The following URGCP variants were observed in gnomAD, a reference collection of about 807,000 sequenced individuals.
The protein encoded by URGCP is up-regulator of cell proliferation.
Under a neutral mutation model 24.6 loss-of-function variants are expected in URGCP, and 13 were observed. The ratio of observed to expected loss-of-function variants is 0.53; its 90% confidence interval spans 0.34 to 0.84. The LOEUF (loss-of-function observed/expected upper bound fraction) is 0.84. URGCP is among the 40% of genes least tolerant of loss of function. The pLI is 0.01. For missense variants in URGCP, 899 were observed against 1,194.3 expected, an observed-to-expected ratio of 0.75 and a Z score of 3.64; for synonymous variants, 444 against 487.2, an observed-to-expected ratio of 0.91 and a Z score of 1.17.
chr7:43,879,530 C>T (rs2095850811), intron 5 of URGCP: 1 of 390,500 alleles, frequency 2.6e-6, no homozygotes, highest in Non-Finnish European at 4.6e-6. Flanking sequence ...AAATAAGCTA[C>T]ATTTAACAAC....
Position 43,876,824 on chromosome 7 carries a change from C to T in URGCP, c.2639G>A (p.Gly880Asp). 2.5e-6 allele frequency: 4 copies of T among 1,614,196 alleles called. No individual in the cohort carries two copies. The highest frequency in any genetic ancestry group is 3.4e-6 in the Non-Finnish European group (4 of 1,180,036). Residue 880 changes from glycine (G) to aspartate (D), a missense_variant, in exon 6 of 6, where the codon GGC becomes GAC. Gly to Asp is a moderately conservative substitution (Grantham distance 94). Coordinates refer to ENST00000453200, the MANE Select transcript of URGCP (RefSeq NM_001077663.3). ...PEKQHIWHIP[G>D]LWHGAPPMAA... Reference sequence around the variant, plus strand: ...CATGGGAGGTGCTCCGTGCCACAGGCCTGGGATGTGCCAGATGTGCTGCTT... The same window carrying T: ...CATGGGAGGTGCTCCGTGCCACAGGTCTGGGATGTGCCAGATGTGCTGCTT...
In URGCP at chr7:43,879,088, G is replaced by A. The variant is rs1489320101; in HGVS notation, c.375C>T (p.Leu125=). The change falls in exon 6 of 6, where the codon CTC becomes CTT. Residue 125 remains leucine (L), a synonymous_variant. Transcript: ENST00000453200. The part of the protein sequence containing the change: ...PWNFLRKLQA[L]NADARNTTMV... ...TAGTGGTATTCCTGGCATCAGCATTGAGGGCCTGCAACTTCCTGAGGAAAT... is the reference window on the plus strand; with the variant it reads ...TAGTGGTATTCCTGGCATCAGCATTAAGGGCCTGCAACTTCCTGAGGAAAT... 1 of 1,614,218 alleles carries A rather than the reference G, an allele frequency of 6.2e-7. No homozygotes were observed. Among genetic ancestry groups the A allele is most frequent in the South Asian group, 1.1e-5 (1 of 91,090 alleles).
intron 1 of URGCP, among the ~76,000 whole-genome samples, chr7:43,892,129 G>A (rs1448321017): frequency 1.3e-5 from 2 of 151,918 alleles, no homozygotes; most frequent in African/African-American, 4.8e-5. Context: ...TGTAGCCCAG[G>A]CTGGTCTCAA....
intron 1 of URGCP, among the ~76,000 whole-genome samples, chr7:43,892,186 G>A (rs1459199202): frequency 6.6e-6 from 1 of 151,974 alleles, no homozygotes; most frequent in African/African-American, 2.4e-5. Flanking sequence ...CCAAAGTGTG[G>A]GGAATACAGG....
At chr7:43,887,301 A>C in intron 3 of URGCP, 114 bp downstream of exon 3, 2 of 1,252,412 alleles carry the variant, frequency 1.6e-6, no homozygotes, top group Non-Finnish European at 2.2e-6. Flanking sequence ...AAACTTATTT[A>C]TTTTTGAGAT....
At chr7:43,922,688 C>T (rs375650987) in intron 1 of URGCP, among the ~76,000 whole-genome samples, 14 of 152,082 alleles carry the variant, frequency 9.2e-5, no homozygotes, top group African/African-American at 2.9e-4. Flanking sequence ...TACAGGCATG[C>T]GCCACCATGC....
At chr7:43,919,383 A>G (rs2095919379) in intron 1 of URGCP, 1 of 860,708 alleles carries the variant, frequency 1.2e-6, no homozygotes. Context: ...CTCTCAGACC[A>G]ACCAGCTGGT....
intron 1 of URGCP, among the ~76,000 whole-genome samples, chr7:43,896,136 G>C (rs1490114213): frequency 1.3e-5 from 2 of 152,158 alleles, no homozygotes; most frequent in East Asian, 3.8e-4. Context: ...GTGAATGGAA[G>C]TATAGAGTAG....
intron 1 of URGCP, among the ~76,000 whole-genome samples, chr7:43,897,840 C>G (rs1305434659): frequency 6.6e-6 from 1 of 152,188 alleles, no homozygotes; most frequent in African/African-American, 2.4e-5. Flanking sequence ...TCAAAAGCAT[C>G]TGTGAAGGAC....
chr7:43,883,321 AATATATATATATATACATAT>A (rs1206507780), intron 3 of URGCP, among the ~76,000 whole-genome samples: 17 of 134,534 alleles, frequency 1.3e-4, no homozygotes, highest in African/African-American at 4.0e-4. Flanking sequence ...TATATATATA[AATATATATATATATACATAT>A]ATATATATAT....
At position 43,884,561 on chromosome 7, in the gene URGCP, G is replaced by T. The variant is rs145773695; in HGVS notation, c.113-2604C>A. Among the ~76,000 whole-genome samples the T allele has an allele frequency of 6.7e-4, 102 of 152,304 alleles. 2 individuals carry two copies. The highest frequency in any genetic ancestry group is 2.4e-3 in the African/African-American group (99 of 41,550). Reference sequence around the variant, plus strand: ...AACCATTTTCAAGCCAGGTGGGGTGGTTCATATCTGTAACCACAGCAATTT... The same window carrying T: ...AACCATTTTCAAGCCAGGTGGGGTGTTTCATATCTGTAACCACAGCAATTT... On this transcript the variant is annotated intron_variant, in intron 3 of 5. Transcript: ENST00000453200.
At chr7:43,899,656 G>T (rs2132699187) in intron 1 of URGCP, among the ~76,000 whole-genome samples, 1 of 152,224 alleles carries the variant, frequency 6.6e-6, no homozygotes, top group East Asian at 1.9e-4. Flanking sequence ...CCAGAAATAG[G>T]TCCAAATGCA....
In URGCP at chr7:43,886,495, G is replaced by A. The variant is rs570879451; in HGVS notation, c.112+920C>T. Among the ~76,000 whole-genome samples the A allele has an allele frequency of 5.3e-5, 8 of 151,334 alleles. No individual in the cohort carries two copies. In the South Asian group the frequency reaches 1.1e-3, roughly 21 times the overall value. The stretch of plus-strand genomic sequence containing the variant: ...TGGCTGGGCACGGTGGCTCACGCCT[G>A]TAATCCCAACACTTTGGGAGGCTGA... On this transcript the variant is annotated intron_variant, in intron 3 of 5. Coordinates refer to ENST00000453200, the MANE Select transcript of URGCP (RefSeq NM_001077663.3).
intron 3 of URGCP, among the ~76,000 whole-genome samples, chr7:43,885,543 T>C (rs768620572): frequency 3.3e-5 from 5 of 152,212 alleles, no homozygotes; most frequent in Non-Finnish European, 7.3e-5. Flanking sequence ...TGGAGGTTTA[T>C]TCAGTAGAGA....
intron 1 of URGCP, among the ~76,000 whole-genome samples, chr7:43,915,525 G>C (rs1035010789): frequency 6.6e-6 from 1 of 152,144 alleles, no homozygotes; most frequent in Non-Finnish European, 1.5e-5. Flanking sequence ...CACCTCAATG[G>C]CTGCAGATGC....
intron 1 of URGCP, among the ~76,000 whole-genome samples, chr7:43,902,580 C>T (rs926819315): frequency 4.6e-5 from 7 of 152,164 alleles, no homozygotes; most frequent in East Asian, 1.9e-4. Flanking sequence ...AAGAAAAAAG[C>T]GGAATCTTTC....
intron 3 of URGCP, among the ~76,000 whole-genome samples, chr7:43,883,362 A>ATATTTT (rs1554289259): frequency 1.2e-3 from 110 of 88,278 alleles, no homozygotes; most frequent in Non-Finnish European, 1.6e-3. Context: ...ATATATATAT[A>ATATTTT]TTTTTTTTTT....
intron 3 of URGCP, among the ~76,000 whole-genome samples, chr7:43,884,658 T>G (rs763009707): frequency 6.6e-6 from 1 of 152,106 alleles, no homozygotes; most frequent in African/African-American, 2.4e-5. Flanking sequence ...GCAAGACCCC[T>G]GTCTCTACAA....
intron 1 of URGCP, among the ~76,000 whole-genome samples, chr7:43,900,247 C>T (rs1012114716): frequency 5.3e-5 from 8 of 151,210 alleles, no homozygotes; most frequent in South Asian, 2.1e-4. Flanking sequence ...TTAAGGTCAG[C>T]GGTTCGAGAC....
Sources: gnomAD v4.1 joint callset for allele counts (sites outside exome capture counted in the v4.1 genomes callset) on GRCh38, gnomAD v4.1.1 for gene constraint, MANE v1.5 for transcripts, NCBI Gene and HGNC (gene_info 2026-07-23, HGNC 2026-07-21) for gene names.